Variants in SCHIP1 observed in about 807,000 individuals in gnomAD.
SCHIP1 encodes schwannomin-interacting protein 1.
A neutral mutation model predicts 29.7 loss-of-function variants in SCHIP1; 8 were observed. The observed-to-expected ratio is 0.27, with a 90% CI of 0.16 to 0.49. The LOEUF is 0.49. Ranked by LOEUF, SCHIP1 falls within the 20% of genes least tolerant of loss-of-function variation. The pLI is 0.99. For missense variants in SCHIP1, 193 were observed against 294.6 expected (o/e 0.66, Z 2.52); for synonymous variants, 76 against 94.9 (o/e 0.80, Z 1.16).
chr3:159,454,526 C>A, the SCHIP1 span, among the ~76,000 whole-genome samples: 34 of 152,280 alleles, frequency 2.2e-4, no homozygotes, highest in African/African-American at 7.9e-4. Flanking sequence ...AAGACCAGAT[C>A]TTGGTGTCCC....
chr3:159,638,613 A>AG, the SCHIP1 span, among the ~76,000 whole-genome samples: 9 of 147,984 alleles, frequency 6.1e-5, no homozygotes, highest in South Asian at 2.1e-4. Flanking sequence ...CCTATTATAG[A>AG]GGAAAAAAAA....
At chr3:159,401,260 T>G in the SCHIP1 span, 1 of 881,534 alleles carries the variant, frequency 1.1e-6, no homozygotes, top group African/African-American at 1.8e-5. Context: ...TCCAGGTTTC[T>G]AGTAAATGCT....
the SCHIP1 span, among the ~76,000 whole-genome samples, chr3:159,515,184 A>C: frequency 6.6e-6 from 1 of 150,470 alleles, no homozygotes; most frequent in Non-Finnish European, 1.5e-5. Context: ...TTCTCAACAC[A>C]GCAAAGTGGT....
the SCHIP1 span, among the ~76,000 whole-genome samples, chr3:159,621,276 A>G: frequency 2.0e-5 from 3 of 152,350 alleles, no homozygotes; most frequent in African/African-American, 7.2e-5. Flanking sequence ...CCAACTCTGT[A>G]TATGCCAAGT....
the SCHIP1 span, among the ~76,000 whole-genome samples, chr3:159,626,160 ATCTAGATATATCTATCTATC>A: frequency 1.0e-4 from 12 of 116,176 alleles, no homozygotes; most frequent in African/African-American, 7.4e-4. Context: ...ATATATATAT[ATCTAGATATATCTATCTATC>A]TAGATAGATA....
chr3:159,520,630 A>G, the SCHIP1 span, among the ~76,000 whole-genome samples: 2 of 152,098 alleles, frequency 1.3e-5, no homozygotes, highest in African/African-American at 2.4e-5. Context: ...CATTAGACAC[A>G]TTTGTTCTAC....
At chr3:159,482,014 C>G in the SCHIP1 span, among the ~76,000 whole-genome samples, 1 of 151,884 alleles carries the variant, frequency 6.6e-6, no homozygotes, top group Non-Finnish European at 1.5e-5. Context: ...GTGGTATGAG[C>G]GTATGTGTAT....
the SCHIP1 span, among the ~76,000 whole-genome samples, chr3:159,501,064 G>A: frequency 1.3e-5 from 2 of 152,184 alleles, no homozygotes; most frequent in Admixed American, 6.5e-5. Context: ...AGTTTTGGAA[G>A]TTACTCAATG....
At chr3:159,319,731 GA>G in the SCHIP1 span, among the ~76,000 whole-genome samples, 1 of 151,510 alleles carries the variant, frequency 6.6e-6, no homozygotes, top group Non-Finnish European at 1.5e-5. Context: ...TCTTTTTTTT[GA>G]AAACATCTAT....
the SCHIP1 span, among the ~76,000 whole-genome samples, chr3:159,371,422 G>A: frequency 5.3e-5 from 8 of 152,100 alleles, no homozygotes; most frequent in Non-Finnish European, 1.0e-4. Flanking sequence ...AAGATTTCAC[G>A]GAAGAAAGAA....
the SCHIP1 span, among the ~76,000 whole-genome samples, chr3:159,708,899 G>A: frequency 1.3e-5 from 2 of 152,210 alleles, no homozygotes; most frequent in African/African-American, 4.8e-5. Flanking sequence ...GAGGTGCACA[G>A]GGGGATGAAT....
the SCHIP1 span, among the ~76,000 whole-genome samples, chr3:159,377,277 C>G: frequency 6.6e-6 from 1 of 152,258 alleles, no homozygotes; most frequent in Admixed American, 6.5e-5. Context: ...AGCTGGTCAC[C>G]AAGGAGCCCA....
the SCHIP1 span, among the ~76,000 whole-genome samples, chr3:159,642,228 T>C: frequency 6.6e-6 from 1 of 152,156 alleles, no homozygotes. Flanking sequence ...AATTTCAGTG[T>C]AGTAATATTA....
the SCHIP1 span, among the ~76,000 whole-genome samples, chr3:159,771,418 T>C: frequency 6.6e-6 from 1 of 152,256 alleles, no homozygotes; most frequent in Non-Finnish European, 1.5e-5. Context: ...AAACATTCTG[T>C]GTGGAATGCA....
the SCHIP1 span, among the ~76,000 whole-genome samples, chr3:159,802,868 A>G: frequency 2.0e-5 from 3 of 152,312 alleles, no homozygotes; most frequent in South Asian, 6.2e-4. Context: ...CAGGTTCAAG[A>G]TGACTGAAGG....
At chr3:159,828,448 T>TACAC in the SCHIP1 span, among the ~76,000 whole-genome samples, 61 of 134,396 alleles carry the variant, frequency 4.5e-4, 6 homozygotes, top group African/African-American at 1.6e-3. Context: ...TACGTATATA[T>TACAC]ATACGTATAT....
chr3:159,401,903 A>C, the SCHIP1 span, among the ~76,000 whole-genome samples: 1 of 152,214 alleles, frequency 6.6e-6, no homozygotes, highest in African/African-American at 2.4e-5. Flanking sequence ...CATTTATTGA[A>C]TAGGCAATGG....
chr3:159,842,151 T>A (rs1744283170), intron 1 of SCHIP1, among the ~76,000 whole-genome samples: 1 of 152,220 alleles, frequency 6.6e-6, no homozygotes, highest in African/African-American at 2.4e-5. Flanking sequence ...AAGGACTTAC[T>A]TATTTTTTAA....
At chr3:159,561,017 G>A in the SCHIP1 span, among the ~76,000 whole-genome samples, 2 of 152,262 alleles carry the variant, frequency 1.3e-5, no homozygotes, top group Non-Finnish European at 1.5e-5. Context: ...TTTTGGTGCT[G>A]TATTTCAGAA....
Sources: gnomAD v4.1 joint callset for allele counts (sites outside exome capture counted in the v4.1 genomes callset) on GRCh38, gnomAD v4.1.1 for gene constraint, MANE v1.5 for transcripts, NCBI Gene and HGNC (gene_info 2026-07-23, HGNC 2026-07-21) for gene names.